The following MYO7A variants were observed in gnomAD, a reference collection of about 807,000 sequenced individuals.
MYO7A encodes the protein unconventional myosin-VIIa.
A neutral mutation model predicts 263.8 loss-of-function variants in MYO7A; 210 were observed. The observed-to-expected ratio is 0.80, with a 90% CI of 0.71 to 0.89. The LOEUF (loss-of-function observed/expected upper bound fraction) is 0.89, where lower values mean the gene tolerates loss of function less well. MYO7A is among the 40% of genes least tolerant of loss of function. The pLI, the probability that MYO7A is intolerant of heterozygous loss-of-function variation, is 0.00. For missense variants in MYO7A, 2,820 were observed against 2,968.3 expected (o/e 0.95, Z 1.16); for synonymous variants, 1,239 against 1,197.3 (o/e 1.03, Z -0.72).
At chr11:77,205,860 G>T (rs1957414604) in intron 40 of MYO7A, among the ~76,000 whole-genome samples, 1 of 152,120 alleles carries the variant, frequency 6.6e-6, no homozygotes, top group South Asian at 2.1e-4. Context: ...CAGACACCTG[G>T]GCCCACTTCA....
chr11:77,164,957 G>A (rs534541993), intron 14 of MYO7A, among the ~76,000 whole-genome samples: 61 of 152,296 alleles, frequency 4.0e-4, no homozygotes, highest in Middle Eastern at 3.4e-3. Context: ...TCAATACAGC[G>A]TCTTATTTAT....
In MYO7A at chr11:77,171,650, A is replaced by G. The variant is rs1002300186; in HGVS notation, c.1798-1098A>G. Among the ~76,000 whole-genome samples, 5 of 152,348 alleles carry G rather than the reference A, an allele frequency of 3.3e-5. No individual in the cohort carries two copies. The East Asian group carries it at 7.7e-4, about 24-fold the overall frequency. On this transcript the variant is annotated intron_variant, in intron 15 of 48. Coordinates refer to ENST00000409709, the MANE Select transcript of MYO7A (RefSeq NM_000260.4). ...CCCCTGGTTTTTGATGCTACAGGAT[A>G]TCAGATGAAATGATGACTCTAAAAA...
intron 24 of MYO7A, 102 bp from the exon 25 acceptor site, chr11:77,182,322 C>A: frequency 1.4e-6 from 2 of 1,445,276 alleles, no homozygotes; most frequent in Non-Finnish European, 1.9e-6. Context: ...GCTGACCATG[C>A]GGGAGGGGGT....
chr11:77,133,093 T>A (rs1053348355), intron 2 of MYO7A, among the ~76,000 whole-genome samples: 63 of 152,114 alleles, frequency 4.1e-4, no homozygotes, highest in African/African-American at 1.4e-3. Flanking sequence ...ACTGTGACAG[T>A]GAGTCTCCAG....
chr11:77,184,715 G>C lies in MYO7A; in HGVS notation c.3503G>C (p.Arg1168Pro), dbSNP rs797044516. Residue 1168 changes from arginine (R) to proline (P), a missense_variant and splice_region_variant, in exon 27 of 49, where the codon CGG becomes CCG. Coordinates refer to ENST00000409709, the MANE Select transcript of MYO7A (RefSeq NM_000260.4). The stretch of plus-strand genomic sequence containing the variant: ...AATGGCATCCTGCGGCCAGCACTCC[G>C]GTCAGTGCCGGGAGGCGGGGACACC... The part of the protein sequence containing the change: ...IGNGILRPAL[R>P]DEIYCQISKQ... 6.4e-7 allele frequency: 1 copy of C among 1,556,750 alleles called. No individual in the cohort carries two copies. Among genetic ancestry groups the C allele is most frequent in the Non-Finnish European group, 8.7e-7 (1 of 1,149,910 alleles).
chr11:77,194,192 A>C, intron 31 of MYO7A, 162 bp from the exon 32 acceptor site: 1 of 874,648 alleles, frequency 1.1e-6, no homozygotes, highest in Non-Finnish European at 1.8e-6. Flanking sequence ...CTGAGCAGAC[A>C]AGAATTCCCT....
At position 77,189,435 on chromosome 11, in the gene MYO7A, G is replaced by A. The variant is rs782151104; in HGVS notation, c.3595G>A (p.Val1199Met). The A allele has an allele frequency of 3.0e-5, 48 of 1,613,780 alleles. No individual in the cohort carries two copies. The highest frequency in any genetic ancestry group is 3.6e-5 in the Non-Finnish European group (42 of 1,179,900). The change falls in exon 28 of 49, where the codon GTG becomes ATG. Residue 1199 changes from valine to methionine, a missense_variant. Physicochemically the swap from Val to Met is conservative, Grantham distance 21. Transcript: ENST00000409709. ...ARGWILVSLC[V>M]GCFAPSEKFV... The stretch of plus-strand genomic sequence containing the variant: ...GGGCTGGATTCTCGTGTCTCTCTGC[G>A]TGGGCTGTTTCGCCCCCTCCGAGAA...
intron 15 of MYO7A, among the ~76,000 whole-genome samples, chr11:77,167,348 G>C (rs1262319288): frequency 6.6e-6 from 1 of 152,122 alleles, no homozygotes; most frequent in Non-Finnish European, 1.5e-5. Context: ...CCTGGTGGGC[G>C]CCTATGGCCA....
Position 77,203,048 on chromosome 11 carries a change from G to T in MYO7A, c.5169-12G>T. ...CGATGGGGCGTTGCTGACGGTCCCT[G>T]TGCTGCGGCAGGCCCCCACCCAAGC... On this transcript the variant is annotated splice_polypyrimidine_tract_variant and intron_variant, in intron 37 of 48. Coordinates refer to ENST00000409709, the MANE Select transcript of MYO7A (RefSeq NM_000260.4). The T allele has an allele frequency of 6.5e-7, 1 of 1,547,486 alleles. No homozygotes were observed.
At chr11:77,178,696 A>G (rs560504806) in intron 19 of MYO7A, among the ~76,000 whole-genome samples, 176 of 152,348 alleles carry the variant, frequency 1.2e-3, no homozygotes, top group African/African-American at 4.0e-3. Flanking sequence ...CAACCTATCA[A>G]GTCTCAGTTG....
At chr11:77,189,528 T>C in intron 28 of MYO7A, 58 bp downstream of exon 28, 1 of 1,603,848 alleles carries the variant, frequency 6.2e-7, no homozygotes, top group Non-Finnish European at 8.5e-7. Flanking sequence ...GTCCCAGCAC[T>C]GTGGGGAGAG....
intron 4 of MYO7A, among the ~76,000 whole-genome samples, chr11:77,150,962 C>A (rs1053843147): frequency 6.6e-6 from 1 of 152,186 alleles, no homozygotes; most frequent in Non-Finnish European, 1.5e-5. Flanking sequence ...ATTGGGTTAC[C>A]CTGGGCACAA....
chr11:77,207,123 A>G (rs1218205741), intron 41 of MYO7A, 166 bp from the exon 42 acceptor site: 9 of 554,034 alleles, frequency 1.6e-5, no homozygotes, highest in Middle Eastern at 4.7e-4. Flanking sequence ...AGACCCAGAC[A>G]GGAGTAGCCC....
intron 19 of MYO7A, 88 bp from the exon 20 acceptor site, chr11:77,178,957 G>A: frequency 1.0e-6 from 1 of 992,082 alleles, no homozygotes; most frequent in Non-Finnish European, 1.6e-6. Flanking sequence ...CACAGAGCTG[G>A]GACTCAGCGT....
Position 77,180,441 on chromosome 11 carries a change from G to A in MYO7A, c.2654G>A (p.Ser885Asn). ...AEEEKLRKEM[S>N]AKKAKEEAER... ...GAAGAGAAGCTTCGGAAGGAGATGAGCGCCAAGAAGGCCAAGGAGGAGGCC... is the reference window on the plus strand; with the variant it reads ...GAAGAGAAGCTTCGGAAGGAGATGAACGCCAAGAAGGCCAAGGAGGAGGCC... Residue 885 changes from serine (S) to asparagine (N), a missense_variant, in exon 22 of 49, where the codon AGC (serine) becomes AAC (asparagine). Physicochemically the swap from Ser to Asn is conservative, Grantham distance 46. Coordinates refer to ENST00000409709, the MANE Select transcript of MYO7A (RefSeq NM_000260.4). 1 of 1,612,414 alleles carries A rather than the reference G, an allele frequency of 6.2e-7. No homozygotes were observed. Among genetic ancestry groups the A allele is most frequent in the East Asian group, 2.2e-5 (1 of 44,874 alleles).
chr11:77,142,788 CTG>C lies in MYO7A; in HGVS notation c.99_100del (p.Gly34AlafsTer7), dbSNP rs782312060. ...GGGGCGGTGGTGAAGCTCTGCGACT[CTG>C]GGCAGGTCCAGGTGGTGGATGATGA... On this transcript the variant is annotated frameshift_variant, in exon 3 of 49. Coordinates refer to ENST00000409709, the MANE Select transcript of MYO7A (RefSeq NM_000260.4). LOFTEE classifies it high-confidence loss of function. 7.5e-6 allele frequency: 12 copies of C among 1,610,520 alleles called. No homozygotes were observed. In the African/African-American group the frequency reaches 1.5e-4, roughly 20 times the overall value.
chr11:77,131,786 T>C (rs1950773775), intron 2 of MYO7A, among the ~76,000 whole-genome samples: 1 of 152,200 alleles, frequency 6.6e-6, no homozygotes, highest in Non-Finnish European at 1.5e-5. Flanking sequence ...ATGCCTGTTC[T>C]GCCTGCCCTC....
intron 9 of MYO7A, 99 bp from the exon 10 acceptor site, chr11:77,159,348 C>T: frequency 9.0e-7 from 1 of 1,111,880 alleles, no homozygotes; most frequent in East Asian, 2.4e-5. Context: ...AGGGCAGGAC[C>T]CCGGCAGCAG....
chr11:77,131,138 C>A (rs782013208), intron 2 of MYO7A, among the ~76,000 whole-genome samples: 7 of 152,206 alleles, frequency 4.6e-5, no homozygotes, highest in Non-Finnish European at 8.8e-5. Context: ...CTCCAGCCCC[C>A]CTTCCTACTG....
Sources: gnomAD v4.1 joint callset for allele counts (sites outside exome capture counted in the v4.1 genomes callset) on GRCh38, gnomAD v4.1.1 for gene constraint, MANE v1.5 for transcripts, NCBI Gene and HGNC (gene_info 2026-07-23, HGNC 2026-07-21) for gene names.